Variants in XIRP1 observed in about 807,000 individuals in gnomAD.
XIRP1 encodes xin actin binding repeat containing 1.
For synonymous variants in XIRP1, 984 were observed against 947.0 expected (o/e 1.04, Z -0.72); for missense variants, 2,378 against 2,345.4 (o/e 1.01, Z -0.29).
In XIRP1 at chr3:39,188,203, A is replaced by G; in HGVS notation, c.1243T>C (p.Ser415Pro). 1 of 1,614,128 alleles carries G rather than the reference A, an allele frequency of 6.2e-7. No homozygotes were observed. The highest frequency in any genetic ancestry group is 8.5e-7 in the Non-Finnish European group (1 of 1,180,024). Residue 415 changes from serine (S) to proline (P), a missense_variant, in exon 2 of 2, where the codon TCC becomes CCC. Physicochemically the swap from Ser to Pro is moderately conservative, Grantham distance 74. Transcript: ENST00000340369. ...VDPQDGEGHL[S>P]SDSSSALPFS... ...GGCAGTGCTGAGGAGCTGTCACTGG[A>G]TAGATGCCCCTCACCGTCCTGGGGA... is the stretch of plus-strand genomic sequence containing the variant.
Position 39,185,404 on chromosome 3 carries a change from G to C in XIRP1, c.4042C>G (p.Leu1348Val). The C allele has an allele frequency of 6.2e-7, 1 of 1,613,946 alleles. No homozygotes were observed. Among genetic ancestry groups the C allele is most frequent in the Non-Finnish European group, 8.5e-7 (1 of 1,179,860 alleles). ...PPQRLPKPLP[L>V]SPSFSSEVGQ... ...ACCTCCGAGGAAAAGCTGGGAGATA[G>C]AGGCAAGGGCTTGGGCAGCCTCTGA... is the stretch of plus-strand genomic sequence containing the variant. Residue 1348 changes from leucine (L) to valine (V), a missense_variant, in exon 2 of 2, where the codon CTA (leucine) becomes GTA (valine). Physicochemically the swap from Leu to Val is conservative, Grantham distance 32. Coordinates refer to ENST00000340369, the MANE Select transcript of XIRP1 (RefSeq NM_194293.4).
chr3:39,189,544 A>G lies in XIRP1; in HGVS notation c.-80-19T>C. 6.7e-7 allele frequency: 1 copy of G among 1,499,878 alleles called. No individual in the cohort carries two copies. 92.9% of individuals were successfully genotyped at this position (1,499,878 alleles called of 1,614,324 possible). A position where few individuals can be genotyped will look rare whatever the true frequency, so the allele number is the denominator to read the frequency against. On this transcript the variant is annotated intron_variant, in intron 1 of 1. Transcript: ENST00000340369. ...CTGGATGCTGGGAGAAATGGTAGTAAACAGGGCTCAGAGTCAGAGTAGCTC... is the reference window on the plus strand; with the variant it reads ...CTGGATGCTGGGAGAAATGGTAGTAGACAGGGCTCAGAGTCAGAGTAGCTC...
Position 39,189,007 on chromosome 3 carries a change from G to A in XIRP1, c.439C>T (p.Gln147Ter), listed in dbSNP as rs1365073021. The A allele has an allele frequency of 1.2e-6, 2 of 1,613,948 alleles. No individual in the cohort carries two copies. Among genetic ancestry groups the A allele is most frequent in the Non-Finnish European group, 1.7e-6 (2 of 1,180,042 alleles). Residue 147 changes from glutamine to a stop codon, truncating the protein, a stop_gained, in exon 2 of 2, where the codon CAG (glutamine) becomes TAG (stop). Coordinates refer to ENST00000340369, the MANE Select transcript of XIRP1 (RefSeq NM_194293.4). LOFTEE classifies it low-confidence loss of function (END_TRUNC). ...GCACGAACGTCTCCTCCACCTGGCT[G>A]GGGCCTGGTTGGCTCCTGGTCTGTG... ...NSTDQEPTRP[Q>*]PGGGDVRAAR...
Position 39,186,599 on chromosome 3 carries a change from C to A in XIRP1, c.2847G>T (p.Pro949=), listed in dbSNP as rs751741273. ...TGGCTGGCACTGGACTCGGGTCAGC[C>A]GGGGGCTCCCACCGCAGACTGTGCA... ...SGLHSLRWEP[P]ADPSPVPASE... is the part of the protein sequence containing the mutation. Residue 949 remains proline, a synonymous_variant, in exon 2 of 2, where the codon CCG becomes CCT. Coordinates refer to ENST00000340369, the MANE Select transcript of XIRP1 (RefSeq NM_194293.4). 4.3e-6 allele frequency: 7 copies of A among 1,609,794 alleles called. No homozygotes were observed. In the East Asian group the frequency reaches 1.6e-4, roughly 36 times the overall value.
intron 1 of XIRP1, among the ~76,000 whole-genome samples, chr3:39,191,630 G>C (rs544698256): frequency 2.0e-5 from 3 of 152,328 alleles, no homozygotes; most frequent in Admixed American, 6.5e-5. Flanking sequence ...CAAGTGTAGA[G>C]TCAGGACAGA....
At position 39,187,303 on chromosome 3, in the gene XIRP1, C is replaced by G. The variant is rs2039997788; in HGVS notation, c.2143G>C (p.Val715Leu). 1.9e-6 allele frequency: 3 copies of G among 1,590,780 alleles called. No individual in the cohort carries two copies. The highest frequency in any genetic ancestry group is 1.7e-6 in the Non-Finnish European group (2 of 1,167,884). Residue 715 changes from valine (V) to leucine (L), a missense_variant, in exon 2 of 2, where the codon GTA (valine) becomes CTA (leucine). Physicochemically the swap from Val to Leu is conservative, Grantham distance 32 (BLOSUM62 1). Coordinates refer to ENST00000340369, the MANE Select transcript of XIRP1 (RefSeq NM_194293.4). ...CCCGCGGGGATGGACCCAGCGATTA[C>G]CCGGGGCTCCTGTTCTTCCTTCTTG... ...AGKKEEQEPR[V>L]IAGSIPAGSV...
rs548931854 is a variant in XIRP1 at position 39,184,185 on chromosome 3, G to A, written c.5261C>T (p.Thr1754Met). Residue 1754 changes from threonine (T) to methionine (M), a missense_variant, in exon 2 of 2, where the codon ACG (threonine) becomes ATG (methionine). Transcript: ENST00000340369. ...ATAGTGTTGTGAGCTCCCTGGCCCC[G>A]TCTGTAGCTCCAGAACACTCTTTTG... ...GWQKSVLELQ[T>M]GPGSSQHYGA... The A allele has an allele frequency of 6.3e-5, 101 of 1,614,170 alleles. 1 individual carries two copies. In the South Asian group the frequency reaches 7.5e-4, roughly 12 times the overall value.
Position 39,183,939 on chromosome 3 carries a change from C to T in XIRP1, c.5507G>A (p.Ser1836Asn). 6.2e-7 allele frequency: 1 copy of T among 1,611,282 alleles called. No individual in the cohort carries two copies. Among genetic ancestry groups the T allele is most frequent in the Non-Finnish European group, 8.5e-7 (1 of 1,179,800 alleles). ...TEAETVQVSC[S>N]YSQPAAQ Reference sequence around the variant, plus strand: ...TCACTGGGCAGCTGGCTGGGAGTAGCTGCAGGACACCTGCACCGTCTCAGC... The same window carrying T: ...TCACTGGGCAGCTGGCTGGGAGTAGTTGCAGGACACCTGCACCGTCTCAGC... The change falls in exon 2 of 2, where the codon AGC (serine) becomes AAC (asparagine). Residue 1836 changes from serine to asparagine, a missense_variant. Physicochemically the swap from Ser to Asn is conservative, Grantham distance 46. Transcript: ENST00000340369.
In XIRP1 at chr3:39,187,569, C is replaced by T. The variant is rs376795529; in HGVS notation, c.1877G>A (p.Cys626Tyr). Residue 626 changes from cysteine to tyrosine, a missense_variant, in exon 2 of 2, where the codon TGC (cysteine) becomes TAC (tyrosine). By Grantham distance (194) the Cys-to-Tyr change is radical. Transcript: ENST00000340369. ...DPTAKAEAQSCTWMFKPQPVD... is the reference protein window; with the variant it reads ...DPTAKAEAQSYTWMFKPQPVD... The stretch of plus-strand genomic sequence containing the variant: ...AGGTTGGGGCTTGAACATCCAGGTG[C>T]AGGACTGTGCCTCAGCCTTGGCTGT... 2.5e-5 allele frequency: 40 copies of T among 1,613,932 alleles called. No homozygotes were observed. Among genetic ancestry groups the T allele is most frequent in the African/African-American group, 4.0e-5 (3 of 74,946 alleles).
Position 39,186,132 on chromosome 3 carries a change from G to A in XIRP1, c.3314C>T (p.Pro1105Leu), listed in dbSNP as rs914866298. The A allele has an allele frequency of 5.0e-6, 8 of 1,613,482 alleles. No individual in the cohort carries two copies. Among genetic ancestry groups the A allele is most frequent in the Non-Finnish European group, 6.8e-6 (8 of 1,179,646 alleles). ...GATCCGGGGATCACTTCCACCCCCAGGCCTTATGTTGCTTTGGGTAGCCCC... is the reference window on the plus strand; with the variant it reads ...GATCCGGGGATCACTTCCACCCCCAAGCCTTATGTTGCTTTGGGTAGCCCC... ...KAGATQSNIR[P>L]GGGSDPRIPA... The change falls in exon 2 of 2, where the codon CCT becomes CTT. Residue 1105 changes from proline (P) to leucine (L), a missense_variant. Transcript: ENST00000340369.
At chr3:39,189,586 A>G in intron 1 of XIRP1, 61 bp from the exon 2 acceptor site, 1 of 1,302,626 alleles carries the variant, frequency 7.7e-7, no homozygotes. Context: ...ACTTACGCTT[A>G]GAGACTCCTT....
At position 39,188,348 on chromosome 3, in the gene XIRP1, C is replaced by T. The variant is rs1307440641; in HGVS notation, c.1098G>A (p.Glu366=). The T allele has an allele frequency of 6.2e-7, 1 of 1,614,048 alleles. No individual in the cohort carries two copies. The highest frequency in any genetic ancestry group is 1.3e-5 in the African/African-American group (1 of 74,926). ...GGACCACTTCCTCCTTGGGTGGGGC[C>T]TCTGCTCCAGCCTCTTCGTCCCCCT... ...TLKGDEEAGA[E]APPKEEVVPG... The change falls in exon 2 of 2, where the codon GAG becomes GAA. Residue 366 remains glutamate (E), a synonymous_variant. Coordinates refer to ENST00000340369, the MANE Select transcript of XIRP1 (RefSeq NM_194293.4).
intron 1 of XIRP1, among the ~76,000 whole-genome samples, chr3:39,191,221 G>C: frequency 6.6e-6 from 1 of 152,148 alleles, no homozygotes; most frequent in Non-Finnish European, 1.5e-5. Context: ...TCAAAGCTCT[G>C]GGTGGTTTTC....
In XIRP1 at chr3:39,187,107, G is replaced by A. The variant is rs2039993664; in HGVS notation, c.2339C>T (p.Ala780Val). 6.2e-7 allele frequency: 1 copy of A among 1,613,556 alleles called. No individual in the cohort carries two copies. The highest frequency in any genetic ancestry group is 2.2e-5 in the East Asian group (1 of 44,836). ...AAEGTLRTLHATPGILHHGGI... is the reference protein window; with the variant it reads ...AAEGTLRTLHVTPGILHHGGI... ...TCCATGGTGCAGGATGCCAGGTGTG[G>A]CATGCAGAGTCCGCAGGGTCCCCTC... The change falls in exon 2 of 2, where the codon GCC becomes GTC. Residue 780 changes from alanine (A) to valine (V), a missense_variant. Transcript: ENST00000340369.
At position 39,187,219 on chromosome 3, in the gene XIRP1, C is replaced by T. The variant is rs1394466489; in HGVS notation, c.2227G>A (p.Glu743Lys). The change falls in exon 2 of 2, where the codon GAG becomes AAG. Residue 743 changes from glutamate (E) to lysine (K), a missense_variant. Physicochemically the swap from Glu to Lys is moderately conservative, Grantham distance 56 (BLOSUM62 1). Coordinates refer to ENST00000340369, the MANE Select transcript of XIRP1 (RefSeq NM_194293.4). ...ENCPMGSLAA[E>K]SIQGGNLLEE... ...AGGAGGTTGCCCCCTTGGATGCTCT[C>T]AGCTGCCAGGGAGCCCATGGGACAA... The T allele has an allele frequency of 2.5e-6, 4 of 1,590,760 alleles. No individual in the cohort carries two copies. The highest frequency in any genetic ancestry group is 1.3e-5 in the African/African-American group (1 of 74,154).
chr3:39,189,834 C>T (rs1046996116), intron 1 of XIRP1, among the ~76,000 whole-genome samples: 1 of 152,210 alleles, frequency 6.6e-6, no homozygotes, highest in Non-Finnish European at 1.5e-5. Flanking sequence ...CCTCACCTTC[C>T]TTTGTTAAAA....
rs771161191 is a variant in XIRP1, at chr3:39,184,805, C to G, written c.4641G>C (p.Leu1547=). 1.1e-5 allele frequency: 18 copies of G among 1,614,116 alleles called. No homozygotes were observed. The highest frequency in any genetic ancestry group is 1.4e-5 in the Non-Finnish European group (17 of 1,180,026). The stretch of plus-strand genomic sequence containing the variant: ...TGTGCACAGCCTCTTCAATGTCCAG[C>G]AGCCTTGCCAAGGTCTGTTCCTTCA... The part of the protein sequence containing the change: ...AQLKEQTLAR[L]LDIEEAVHKA... The change falls in exon 2 of 2, where the codon CTG becomes CTC. Residue 1547 remains leucine (L), a synonymous_variant. Coordinates refer to ENST00000340369, the MANE Select transcript of XIRP1 (RefSeq NM_194293.4).
rs2276709 is a variant in XIRP1 at position 39,188,099 on chromosome 3, G to A, written c.1347C>T (p.Pro449=). 804 of 1,614,180 alleles carry A rather than the reference G, an allele frequency of 5.0e-4. 7 individuals are homozygous for A. The East Asian group carries it at 0.016, about 33-fold the overall frequency. The part of the protein sequence containing the change: ...KTFKNLFETL[P]LDSIGQGEVL... ...CCTCACCCTGTCCAATGCTGTCCAAGGGAAGGGTCTCAAAAAGGTTCTTAA... is the reference window on the plus strand; with the variant it reads ...CCTCACCCTGTCCAATGCTGTCCAAAGGAAGGGTCTCAAAAAGGTTCTTAA... The change falls in exon 2 of 2, where the codon CCC becomes CCT. Residue 449 remains proline, a synonymous_variant. Transcript: ENST00000340369.
chr3:39,190,576 G>C (rs186964974), intron 1 of XIRP1, among the ~76,000 whole-genome samples: 255 of 152,118 alleles, frequency 1.7e-3, no homozygotes, highest in African/African-American at 5.4e-3. Flanking sequence ...TCGGACTCAG[G>C]GGGGCTTCAG....
Sources: allele counts gnomAD v4.1 joint callset (sites outside exome capture counted in the v4.1 genomes callset), GRCh38; gene constraint gnomAD v4.1.1; transcripts MANE v1.5; gene names NCBI Gene and HGNC (gene_info 2026-07-23, HGNC 2026-07-21).